The following ABCC8 variants were observed in gnomAD, a reference collection of about 807,000 sequenced individuals.
ABCC8 encodes ATP binding cassette subfamily C member 8, also known as ATP-binding cassette sub-family C member 8.
A neutral mutation model predicts 188.0 loss-of-function variants in ABCC8; 137 were observed. The ratio of observed to expected loss-of-function variants is 0.73; its 90% CI spans 0.63 to 0.84. The LOEUF is 0.84. ABCC8 is among the 40% of genes least tolerant of loss of function. ABCC8 has a pLI of 0.00. For missense variants in ABCC8, 1,750 were observed against 2,072.7 expected, an observed-to-expected ratio of 0.84 and a Z score of 3.02; for synonymous variants, 797 against 846.5, an observed-to-expected ratio of 0.94 and a Z score of 1.01.
intron 30 of ABCC8, 61 bp from the exon 31 acceptor site, chr11:17,397,858 AC>A (rs1339271773): frequency 1.2e-5 from 19 of 1,596,976 alleles, no homozygotes; most frequent in Non-Finnish European, 1.6e-5. Context: ...CCCCTGTTCT[AC>A]CTCACTCCTT....
intron 3 of ABCC8, among the ~76,000 whole-genome samples, chr11:17,466,178 A>T (rs1160591332): frequency 6.6e-6 from 1 of 152,102 alleles, no homozygotes. Context: ...AGGTGGGCAG[A>T]TCACAAGATC....
At chr11:17,460,356 G>T in intron 6 of ABCC8, 132 bp downstream of exon 6, 2 of 1,394,434 alleles carry the variant, frequency 1.4e-6, no homozygotes, top group Non-Finnish European at 2.0e-6. Context: ...TGGGGATACT[G>T]CTATGGGCTT....
intron 4 of ABCC8, among the ~76,000 whole-genome samples, chr11:17,462,649 C>T (rs1847895429): frequency 6.6e-6 from 1 of 152,160 alleles, no homozygotes; most frequent in Admixed American, 6.5e-5. Context: ...AAGTAAATGC[C>T]CATCCATAGA....
rs554811365 is a variant in ABCC8 at position 17,426,993 on chromosome 11, G to C, written c.2222+56C>G. 1.0e-5 allele frequency: 16 copies of C among 1,596,246 alleles called. No homozygotes were observed. In the East Asian group the frequency reaches 3.6e-4, roughly 36 times the overall value. On this transcript the variant is annotated intron_variant, in intron 16 of 38. Transcript: ENST00000389817. ...AAATGTGTGTGCATCCTCAACTGAG[G>C]AGGATGGTTAAAAGGAGATTTCCCC...
chr11:17,428,076 G>A lies in ABCC8; in HGVS notation c.2041-134C>T, dbSNP rs1256437775. On this transcript the variant is annotated intron_variant, in intron 14 of 38. Transcript: ENST00000389817. ...AGCCCCTGGATCACTTCCAGAGCAG[G>A]GGAGTGGGAGACTGGCCTTCTCATG... 2.5e-6 allele frequency: 4 copies of A among 1,588,184 alleles called. No individual in the cohort carries two copies. The African/African-American group carries it at 5.4e-5, about 21-fold the overall frequency.
Position 17,448,622 on chromosome 11 carries a change from A to T in ABCC8, c.1226T>A (p.Met409Lys). ...GATCTGTCCAGCAGTCATTTCTCCCATGGACAGGTTGGAGGTGGACAGGTG... is the reference window on the plus strand; with the variant it reads ...GATCTGTCCAGCAGTCATTTCTCCCTTGGACAGGTTGGAGGTGGACAGGTG... Reference protein sequence around the residue: ...IMHLSTSNLSMGEMTAGQICN... With the variant: ...IMHLSTSNLSKGEMTAGQICN... Residue 409 changes from methionine (M) to lysine (K), a missense_variant, in exon 8 of 39, where the codon ATG (methionine) becomes AAG (lysine). Coordinates refer to ENST00000389817, the MANE Select transcript of ABCC8 (RefSeq NM_000352.6). 1.9e-6 allele frequency: 3 copies of T among 1,614,188 alleles called. No homozygotes were observed. Among genetic ancestry groups the T allele is most frequent in the Non-Finnish European group, 2.5e-6 (3 of 1,180,012 alleles).
chr11:17,423,215 G>A (rs750879816), intron 16 of ABCC8, among the ~76,000 whole-genome samples: 1 of 151,814 alleles, frequency 6.6e-6, no homozygotes, highest in Non-Finnish European at 1.5e-5. Context: ...AAAATTAGCC[G>A]GCATGGTGGT....
At chr11:17,416,194 A>T (rs895785704) in intron 17 of ABCC8, among the ~76,000 whole-genome samples, 3 of 152,178 alleles carry the variant, frequency 2.0e-5, no homozygotes, top group African/African-American at 7.2e-5. Context: ...AAGCTGAGCC[A>T]ACCTTCCCAT....
chr11:17,419,321 C>T (rs2299642), intron 16 of ABCC8, among the ~76,000 whole-genome samples: 2,719 of 152,316 alleles, frequency 0.018, 56 homozygotes, highest in Admixed American at 0.049. Flanking sequence ...ATGTCCTTCC[C>T]TCCAGCCCAC....
chr11:17,434,034 G>A (rs1955969073), intron 10 of ABCC8, among the ~76,000 whole-genome samples: 1 of 152,188 alleles, frequency 6.6e-6, no homozygotes, highest in Non-Finnish European at 1.5e-5. Context: ...ACTGGCTGAG[G>A]AGGAGAGGGA....
intron 33 of ABCC8, 170 bp downstream of exon 33, chr11:17,396,746 G>C: frequency 1.2e-6 from 1 of 803,230 alleles, no homozygotes; most frequent in South Asian, 1.7e-5. Flanking sequence ...AATAGAAGGA[G>C]AGGAAAGATG....
chr11:17,460,235 A>G (rs769081421), intron 6 of ABCC8, among the ~76,000 whole-genome samples: 33 of 152,366 alleles, frequency 2.2e-4, no homozygotes, highest in Admixed American at 3.9e-4. Context: ...GGACTGACCT[A>G]ACTACCGGGA....
intron 10 of ABCC8, among the ~76,000 whole-genome samples, chr11:17,433,800 G>T (rs1253137456): frequency 6.6e-6 from 1 of 152,174 alleles, no homozygotes. Context: ...CTGGGGCCCT[G>T]GCAGATGGCG....
In ABCC8 at chr11:17,407,443, G is replaced by A; in HGVS notation, c.2831C>T (p.Thr944Ile). The change falls in exon 24 of 39, where the codon ACA (threonine) becomes ATA (isoleucine). Residue 944 changes from threonine to isoleucine, a missense_variant. Transcript: ENST00000389817. Reference sequence around the variant, plus strand: ...GGGTGGCTCTGTGGCTTTTCTCTCTGTGACAGTCTCCTAAAAGACAGATGT... The same window carrying A: ...GGGTGGCTCTGTGGCTTTTCTCTCTATGACAGTCTCCTAAAAGACAGATGT... Reference protein sequence around the residue: ...QDQELEKETVTERKATEPPQG... With the variant: ...QDQELEKETVIERKATEPPQG... 2 of 1,614,154 alleles carry A rather than the reference G, an allele frequency of 1.2e-6. No individual in the cohort carries two copies. The highest frequency in any genetic ancestry group is 1.7e-6 in the Non-Finnish European group (2 of 1,180,034).
Position 17,414,557 on chromosome 11 carries a change from G to A in ABCC8, c.2345C>T (p.Thr782Ile). 6.2e-7 allele frequency: 1 copy of A among 1,614,258 alleles called. No individual in the cohort carries two copies. Among genetic ancestry groups the A allele is most frequent in the Non-Finnish European group, 8.5e-7 (1 of 1,180,042 alleles). The change falls in exon 19 of 39, where the codon ACT (threonine) becomes ATT (isoleucine). Residue 782 changes from threonine to isoleucine, a missense_variant. Thr to Ile is a moderately conservative substitution (Grantham distance 89). Coordinates refer to ENST00000389817, the MANE Select transcript of ABCC8 (RefSeq NM_000352.6). Reference protein sequence around the residue: ...ASQKPWLLNATVEENIIFESP... With the variant: ...ASQKPWLLNAIVEENIIFESP... ...CTCAAAGATGATGTTCTCCTCCACAGTGGCATTTAGCAGCCATGGTTTCTG... is the reference window on the plus strand; with the variant it reads ...CTCAAAGATGATGTTCTCCTCCACAATGGCATTTAGCAGCCATGGTTTCTG...
chr11:17,405,717 C>T (rs959415537), intron 26 of ABCC8, 154 bp from the exon 27 acceptor site: 13 of 925,896 alleles, frequency 1.4e-5, no homozygotes, highest in Admixed American at 1.2e-4. Context: ...CCTGTATCCC[C>T]GTGAATTCCT....
chr11:17,436,069 A>C lies in ABCC8; in HGVS notation c.1631-3825T>G, dbSNP rs369301743. 362 of 943,934 alleles carry C rather than the reference A, an allele frequency of 3.8e-4. No individual in the cohort carries two copies. The African/African-American group carries it at 5.3e-3, about 14-fold the overall frequency. 58.5% of individuals were successfully genotyped at this position (943,934 alleles called of 1,614,324 possible). ...TGTGTTCTTATTCCAGAACTGCTCC[A>C]TCTCTTCTTTGGCTGTGATTCCCAA... On this transcript the variant is annotated intron_variant, in intron 10 of 38. Coordinates refer to ENST00000389817, the MANE Select transcript of ABCC8 (RefSeq NM_000352.6).
chr11:17,431,129 C>T (rs922193639), intron 11 of ABCC8, 170 bp from the exon 12 acceptor site: 8 of 1,130,586 alleles, frequency 7.1e-6, no homozygotes, highest in South Asian at 4.6e-5. Flanking sequence ...CTCATGGAAA[C>T]GTCCCCAACA....
At chr11:17,439,639 T>A (rs1458155766) in intron 10 of ABCC8, among the ~76,000 whole-genome samples, 1 of 151,700 alleles carries the variant, frequency 6.6e-6, no homozygotes, top group Non-Finnish European at 1.5e-5. Flanking sequence ...AAAAAACACA[T>A]CCTCGGAAAG....
Sources: allele counts gnomAD v4.1 joint callset (sites outside exome capture counted in the v4.1 genomes callset), GRCh38; gene constraint gnomAD v4.1.1; transcripts MANE v1.5; gene names NCBI Gene and HGNC (gene_info 2026-07-23, HGNC 2026-07-21).